Variants in LRRC7 observed in about 807,000 individuals in gnomAD.
LRRC7 encodes leucine-rich repeat-containing protein 7.
LRRC7 carries 23 observed loss-of-function variants against 175.7 expected under a neutral mutation model. The ratio of observed to expected loss-of-function variants is 0.13; its 90% CI spans 0.09 to 0.19. The LOEUF (loss-of-function observed/expected upper bound fraction) is 0.19. LRRC7 is among the 10% of genes least tolerant of loss of function. The pLI is 1.00. For synonymous variants in LRRC7, 685 were observed against 680.9 expected (o/e 1.01, Z -0.09); for missense variants, 1,354 against 1,904.7 (o/e 0.71, Z 5.38).
chr1:69,779,126 T>C (rs927412684), intron 3 of LRRC7, among the ~76,000 whole-genome samples: 2 of 152,026 alleles, frequency 1.3e-5, no homozygotes, highest in African/African-American at 4.8e-5. Context: ...ACATACCACA[T>C]TGATTACCCT....
At chr1:69,910,369 A>G (rs1646484531) in intron 7 of LRRC7, among the ~76,000 whole-genome samples, 1 of 152,076 alleles carries the variant, frequency 6.6e-6, no homozygotes. Flanking sequence ...TTTTGTGTGG[A>G]TGTCCTTTCT....
At chr1:69,728,232 C>G (rs1380898226) in intron 2 of LRRC7, among the ~76,000 whole-genome samples, 1 of 152,154 alleles carries the variant, frequency 6.6e-6, no homozygotes, top group Non-Finnish European at 1.5e-5. Context: ...AACCCCCACT[C>G]ACACTCTCCC....
intron 2 of LRRC7, among the ~76,000 whole-genome samples, chr1:69,728,358 C>T (rs544858276): frequency 7.2e-4 from 109 of 152,212 alleles, no homozygotes; most frequent in South Asian, 5.4e-3. Context: ...AAAAGTCAGT[C>T]CCATCTGTCA....
At chr1:70,005,036 T>C (rs1037374448) in intron 11 of LRRC7, among the ~76,000 whole-genome samples, 14 of 152,264 alleles carry the variant, frequency 9.2e-5, no homozygotes, top group Middle Eastern at 3.4e-3. Flanking sequence ...TTTTTTTTTT[T>C]CCAGGTACTC....
intron 2 of LRRC7, among the ~76,000 whole-genome samples, chr1:69,691,898 T>C (rs1661935099): frequency 2.0e-5 from 3 of 150,224 alleles, no homozygotes; most frequent in Admixed American, 2.0e-4. Context: ...AGGCATCCAA[T>C]AGATAACTTT....
In LRRC7 at chr1:69,850,740, T is replaced by G. The variant is rs144110973; in HGVS notation, c.647+12457T>G. 3.3e-3 allele frequency among the ~76,000 whole-genome samples: 497 copies of G among 152,170 alleles called. 3 individuals carry two copies. Among genetic ancestry groups the G allele is most frequent in the African/African-American group, 0.011 (474 of 41,532 alleles). On this transcript the variant is annotated intron_variant, in intron 7 of 26. Transcript: ENST00000651989. ...GACACAATTTCCTATATAGAGAAAC[T>G]TTGAAGAGTAGTAGATGAGGGGAAT... is the stretch of plus-strand genomic sequence containing the variant.
chr1:70,102,048 G>A (rs1025915030), intron 25 of LRRC7, among the ~76,000 whole-genome samples: 1 of 152,168 alleles, frequency 6.6e-6, no homozygotes, highest in South Asian at 2.1e-4. Context: ...TAAAGAACCC[G>A]ATGTGAGAGA....
intron 1 of LRRC7, among the ~76,000 whole-genome samples, chr1:69,594,650 T>A (rs1646767869): frequency 6.6e-6 from 1 of 152,222 alleles, no homozygotes. Flanking sequence ...ACACTCACGC[T>A]ATTATCTTGT....
chr1:69,614,719 CA>C (rs1049912235), intron 1 of LRRC7, among the ~76,000 whole-genome samples: 1 of 151,976 alleles, frequency 6.6e-6, no homozygotes, highest in African/African-American at 2.4e-5. Context: ...TTGAGGAATA[CA>C]AAAATTTAAC....
At chr1:69,764,575 G>A (rs1671392221) in intron 3 of LRRC7, among the ~76,000 whole-genome samples, 1 of 151,892 alleles carries the variant, frequency 6.6e-6, no homozygotes, top group Non-Finnish European at 1.5e-5. Flanking sequence ...CAAAGCTTTT[G>A]ACCCAGGCAA....
Position 70,076,071 on chromosome 1 carries a change from C to T in LRRC7, c.4231-6C>T. On this transcript the variant is annotated splice_polypyrimidine_tract_variant and splice_region_variant and intron_variant, in intron 23 of 26. Transcript: ENST00000651989. Reference sequence around the variant, plus strand: ...ATCTTTGCCTGACAGATTATCTTCTCCACAGGCAGGCAGCCACATCCAGAC... The same window carrying T: ...ATCTTTGCCTGACAGATTATCTTCTTCACAGGCAGGCAGCCACATCCAGAC... The T allele has an allele frequency of 6.2e-7, 1 of 1,612,942 alleles. No homozygotes were observed. Among genetic ancestry groups the T allele is most frequent in the Non-Finnish European group, 8.5e-7 (1 of 1,179,834 alleles).
At chr1:69,643,362 TC>T (rs1206999266) in intron 1 of LRRC7, among the ~76,000 whole-genome samples, 1 of 152,060 alleles carries the variant, frequency 6.6e-6, no homozygotes, top group East Asian at 1.9e-4. Flanking sequence ...AAATTAACTC[TC>T]ACAGTCAGTA....
At chr1:69,921,249 C>T (rs190497660) in intron 7 of LRRC7, among the ~76,000 whole-genome samples, 183 of 152,168 alleles carry the variant, frequency 1.2e-3, no homozygotes, top group Admixed American at 2.9e-3. Context: ...AAGGAGAGTT[C>T]GTTTTCAGGT....
At chr1:69,848,636 G>A (rs1682631273) in intron 7 of LRRC7, among the ~76,000 whole-genome samples, 1 of 151,978 alleles carries the variant, frequency 6.6e-6, no homozygotes, top group African/African-American at 2.4e-5. Flanking sequence ...TAGATTTTCT[G>A]CTTTCTTCAG....
chr1:69,750,017 C>A (rs550915567), intron 2 of LRRC7, among the ~76,000 whole-genome samples: 1 of 151,098 alleles, frequency 6.6e-6, no homozygotes, highest in Non-Finnish European at 1.5e-5. Flanking sequence ...GCTGAGATCA[C>A]GCCACTGCAC....
rs1336610663 is a variant in LRRC7 at position 70,129,475 on chromosome 1, G to A, written c.*7588G>A. On this transcript the variant is annotated 3_prime_UTR_variant, in exon 27 of 27. Transcript: ENST00000651989. ...GTTCCTCAACTTGGTCCAGCACTGA[G>A]TCTGTATGCCCCTGACGTTACGGGA... 6.6e-6 allele frequency among the ~76,000 whole-genome samples: 1 copy of A among 152,140 alleles called. No individual in the cohort carries two copies. The highest frequency in any genetic ancestry group is 1.5e-5 in the Non-Finnish European group (1 of 68,038).
intron 2 of LRRC7, among the ~76,000 whole-genome samples, chr1:69,750,061 A>AAAATAAAT (rs368323946): frequency 0.018 from 2,548 of 139,168 alleles, 34 homozygotes; most frequent in Middle Eastern, 0.033. Context: ...CTATGTCTCA[A>AAAATAAAT]AAATAAATAA....
chr1:69,705,500 A>G (rs1570433939), intron 2 of LRRC7, among the ~76,000 whole-genome samples: 1 of 152,154 alleles, frequency 6.6e-6, no homozygotes, highest in African/African-American at 2.4e-5. Context: ...CAGACTTGCA[A>G]TCCAGGGCAT....
intron 17 of LRRC7, among the ~76,000 whole-genome samples, chr1:70,024,282 A>ATGTGATCATGATGT (rs2101983884): frequency 6.6e-6 from 1 of 151,294 alleles, no homozygotes; most frequent in South Asian, 2.1e-4. Flanking sequence ...TCATGATGTG[A>ATGTGATCATGATGT]AATATATTAT....
Sources: gnomAD v4.1 joint callset for allele counts (sites outside exome capture counted in the v4.1 genomes callset) on GRCh38, gnomAD v4.1.1 for gene constraint, MANE v1.5 for transcripts, NCBI Gene and HGNC (gene_info 2026-07-23, HGNC 2026-07-21) for gene names.